Variants in HDX observed in about 807,000 individuals in gnomAD.
The protein encoded by HDX is chromosome X open reading frame 43.
HDX carries 19 observed loss-of-function variants against 45.2 expected under a neutral mutation model. The observed-to-expected ratio is 0.42, with a 90% CI of 0.29 to 0.62. The LOEUF is 0.62. HDX is among the 20% of genes least tolerant of loss of function. The probability of loss-of-function intolerance (pLI) is 0.20; values close to 1 mark genes in which losing one functional copy is unlikely to be tolerated. For missense variants in HDX, 532 were observed against 493.9 expected, an observed-to-expected ratio of 1.08 and a Z score of -0.73; for synonymous variants, 188 against 172.8, an observed-to-expected ratio of 1.09 and a Z score of -0.69.
At chrX:84,445,815 A>G (rs2039859889) in intron 4 of HDX, among the ~76,000 whole-genome samples, 1 of 112,083 alleles carries the variant, frequency 8.9e-6, no homozygotes, top group African/African-American at 3.2e-5. Flanking sequence ...ATTTTTAAGC[A>G]TATGAATTTT....
In HDX at chrX:84,430,222, A is replaced by G. The variant is rs763856471; in HGVS notation, c.1305+10310T>C. Among the ~76,000 whole-genome samples the G allele has an allele frequency of 7.2e-5, 8 of 110,715 alleles. No homozygotes were observed. In the East Asian group the frequency reaches 1.7e-3, roughly 24 times the overall value. ...TATCTTCTGTACTACTTTGGCTTCT[A>G]TGAGATTACTTTTTTTAGCTTTCAA... On this transcript the variant is annotated intron_variant, in intron 5 of 10. Coordinates refer to ENST00000373177, the MANE Select transcript of HDX (RefSeq NM_001177479.2).
chrX:84,420,455 A>T (rs971449234), intron 5 of HDX, among the ~76,000 whole-genome samples: 2 of 111,511 alleles, frequency 1.8e-5, no homozygotes, highest in Non-Finnish European at 3.8e-5. Flanking sequence ...TGAAAGGAAA[A>T]AAGAAAAGAA....
chrX:84,368,893 G>T (rs1252677961), intron 5 of HDX, among the ~76,000 whole-genome samples: 1 of 110,768 alleles, frequency 9.0e-6, no homozygotes, highest in African/African-American at 3.3e-5. Context: ...GCACAACCTA[G>T]ACCCCTTGCA....
intron 9 of HDX, among the ~76,000 whole-genome samples, chrX:84,332,497 G>A (rs144829573): frequency 0.083 from 9,140 of 110,536 alleles, 394 homozygotes; most frequent in East Asian, 0.26. Flanking sequence ...CAAGGAGACT[G>A]CCACCCAAGA....
intron 5 of HDX, among the ~76,000 whole-genome samples, chrX:84,387,904 G>T (rs1052905893): frequency 8.9e-6 from 1 of 111,945 alleles, no homozygotes; most frequent in East Asian, 2.8e-4. Context: ...GAACCTGTGT[G>T]CTGTGTACTT....
chrX:84,380,002 T>C (rs1310395022), intron 5 of HDX, among the ~76,000 whole-genome samples: 5 of 110,302 alleles, frequency 4.5e-5, no homozygotes, highest in Non-Finnish European at 9.5e-5. Flanking sequence ...AAAGAGAAGA[T>C]ACAAATAAAT....
chrX:84,419,320 A>G (rs2039193012), intron 5 of HDX, among the ~76,000 whole-genome samples: 1 of 110,189 alleles, frequency 9.1e-6, no homozygotes, highest in Non-Finnish European at 1.9e-5. Flanking sequence ...TAAAGTGTGA[A>G]CCCCAGGCCA....
intron 6 of HDX, among the ~76,000 whole-genome samples, chrX:84,357,818 T>A (rs1271915549): frequency 8.9e-6 from 1 of 112,436 alleles, no homozygotes; most frequent in Admixed American, 9.4e-5. Context: ...TGTAGTTTGG[T>A]ATGACCATGT....
intron 5 of HDX, among the ~76,000 whole-genome samples, chrX:84,406,559 C>CT (rs1395847318): frequency 9.2e-6 from 1 of 108,407 alleles, no homozygotes; most frequent in Non-Finnish European, 1.9e-5. Context: ...CTATATCTAT[C>CT]ATCATCATCA....
intron 5 of HDX, among the ~76,000 whole-genome samples, chrX:84,437,929 G>A (rs1385589240): frequency 9.0e-6 from 1 of 111,115 alleles, no homozygotes; most frequent in African/African-American, 3.3e-5. Flanking sequence ...TCCTGGTCTA[G>A]CAGGAACAGA....
chrX:84,391,200 A>G (rs1329610566), intron 5 of HDX, among the ~76,000 whole-genome samples: 1 of 68,359 alleles, frequency 1.5e-5, no homozygotes, highest in Non-Finnish European at 3.5e-5. Context: ...TGAGAATGTG[A>G]TTTTGTATTT....
At chrX:84,361,257 T>G (rs1233646174) in intron 6 of HDX, among the ~76,000 whole-genome samples, 3 of 111,862 alleles carry the variant, frequency 2.7e-5, no homozygotes, top group Non-Finnish European at 5.6e-5. Context: ...AATTGGGTTA[T>G]TTGCAATTTT....
intron 4 of HDX, among the ~76,000 whole-genome samples, chrX:84,459,531 G>A (rs1275188041): frequency 9.0e-6 from 1 of 110,879 alleles, no homozygotes; most frequent in Non-Finnish European, 1.9e-5. Context: ...CCCAAACAAT[G>A]GGATATAGCA....
intron 5 of HDX, among the ~76,000 whole-genome samples, chrX:84,411,762 G>A (rs1215077687): frequency 3.6e-5 from 4 of 111,298 alleles, no homozygotes; most frequent in Admixed American, 9.5e-5. Context: ...TGTCAGTGGT[G>A]TGTTGACATC....
At chrX:84,462,699 A>T (rs866676754) in intron 4 of HDX, among the ~76,000 whole-genome samples, 20 of 109,729 alleles carry the variant, frequency 1.8e-4, no homozygotes, top group East Asian at 1.4e-3. Context: ...AGAATTTTTT[A>T]AAAAATTGGC....
intron 4 of HDX, among the ~76,000 whole-genome samples, chrX:84,449,008 T>C (rs923285955): frequency 9.2e-6 from 1 of 108,184 alleles, no homozygotes; most frequent in Admixed American, 1.0e-4. Context: ...AAAAAATTCA[T>C]GGAATCAAAT....
At chrX:84,482,017 T>C (rs1281873460) in intron 2 of HDX, among the ~76,000 whole-genome samples, 1 of 111,953 alleles carries the variant, frequency 8.9e-6, no homozygotes, top group Admixed American at 9.5e-5. Context: ...GGCCTCCAGC[T>C]GCATCCATGT....
chrX:84,394,020 T>C (rs2035033246), intron 5 of HDX, among the ~76,000 whole-genome samples: 1 of 111,328 alleles, frequency 9.0e-6, no homozygotes, highest in Non-Finnish European at 1.9e-5. Context: ...TGTACTCTTA[T>C]CTTTATTCCC....
chrX:84,379,013 TATATC>T (rs1307851081), intron 5 of HDX, among the ~76,000 whole-genome samples: 33 of 110,522 alleles, frequency 3.0e-4, no homozygotes, highest in African/African-American at 1.0e-3. Flanking sequence ...TTGCTATACT[TATATC>T]AGACAAAGTA....
Sources: gnomAD v4.1 joint callset for allele counts (sites outside exome capture counted in the v4.1 genomes callset) on GRCh38, gnomAD v4.1.1 for gene constraint, MANE v1.5 for transcripts, NCBI Gene and HGNC (gene_info 2026-07-23, HGNC 2026-07-21) for gene names.